Variants in AHDC1 observed in about 807,000 individuals in gnomAD.
The protein encoded by AHDC1 is AT-hook DNA binding motif containing 1.
AHDC1 carries 7 observed loss-of-function variants against 87.9 expected under a neutral mutation model. The observed-to-expected ratio is 0.08, with a 90% confidence interval of 0.05 to 0.15. AHDC1 has a LOEUF of 0.15. Among genes scored for constraint, AHDC1 ranks in the 10% least tolerant of loss-of-function variants. The probability of loss-of-function intolerance (pLI) is 1.00; values close to 1 mark genes in which losing one functional copy is unlikely to be tolerated. For synonymous variants in AHDC1, 1,051 were observed against 1,006.8 expected (o/e 1.04, Z -0.83); for missense variants, 1,841 against 2,253.2 (o/e 0.82, Z 3.70).
In AHDC1 at chr1:27,563,344, GACACACAC is replaced by G. The variant is rs58219407; in HGVS notation, c.-628-4469_-628-4462del. On this transcript the variant is annotated intron_variant, in intron 3 of 8. Transcript: ENST00000673934. This position sits in a 1 kb window ranked among gnomAD's most constrained non-coding sequence, Gnocchi z 6.1. The stretch of plus-strand genomic sequence containing the variant: ...CAGAACCTGTCACACAGCTGACCAA[GACACACAC>G]ACACACACACACACACGTGGGACAA... Among the ~76,000 whole-genome samples the G allele has an allele frequency of 2.0e-5, 3 of 148,006 alleles. No individual in the cohort carries two copies. Among genetic ancestry groups the G allele is most frequent in the Non-Finnish European group, 3.0e-5 (2 of 66,364 alleles).
At chr1:27,592,399 C>T (rs537745829) in intron 3 of AHDC1, among the ~76,000 whole-genome samples, 263 of 152,290 alleles carry the variant, frequency 1.7e-3, no homozygotes, top group Non-Finnish European at 2.8e-3. Flanking sequence ...AGCCTGTCAC[C>T]GGAGCCGCCT....
chr1:27,584,822 C>T (rs185983270), intron 3 of AHDC1, among the ~76,000 whole-genome samples: 1 of 152,176 alleles, frequency 6.6e-6, no homozygotes, highest in East Asian at 1.9e-4. Flanking sequence ...AGAGGCTCCC[C>T]AGAGATGCCT....
Position 27,550,658 on chromosome 1 carries a change from C to T in AHDC1, c.1458G>A (p.Gly486=). Residue 486 remains glycine (G), a synonymous_variant, in exon 8 of 9, where the codon GGG becomes GGA. Transcript: ENST00000673934. ...CTTTGTATGTGGTCTTGTTCCGCCG[C>T]CCCAGCGATACGGGGATCTTGGCCA... ...VKMAKIPVSL[G]RRNKTTYKVS... 1 of 1,613,434 alleles carries T rather than the reference C, an allele frequency of 6.2e-7. No individual in the cohort carries two copies. Among genetic ancestry groups the T allele is most frequent in the Non-Finnish European group, 8.5e-7 (1 of 1,179,970 alleles).
intron 5 of AHDC1, among the ~76,000 whole-genome samples, chr1:27,554,305 T>A (rs2148310938): frequency 6.6e-6 from 1 of 152,316 alleles, no homozygotes; most frequent in South Asian, 2.1e-4. Context: ...CCCTGCTACA[T>A]CCTCTCAGAG....
intron 3 of AHDC1, among the ~76,000 whole-genome samples, chr1:27,573,388 C>G (rs959736076): frequency 7.2e-5 from 11 of 152,124 alleles, no homozygotes; most frequent in Admixed American, 2.0e-4. Context: ...CAGTGGGAGC[C>G]CTCTATGTGT....
chr1:27,547,473 A>T lies in AHDC1; in HGVS notation c.4643T>A (p.Leu1548Gln). The T allele has an allele frequency of 6.3e-7, 1 of 1,598,570 alleles. No homozygotes were observed. Among genetic ancestry groups the T allele is most frequent in the Non-Finnish European group, 8.6e-7 (1 of 1,168,800 alleles). Residue 1548 changes from leucine (L) to glutamine (Q), a missense_variant, in exon 8 of 9, where the codon CTG becomes CAG. By Grantham distance (113) the Leu-to-Gln change is moderately radical. Around this residue, in one of 13 missense-constraint regions of AHDC1, gnomAD observed 505 missense variants for 626.2 expected, o/e 0.81. Coordinates refer to ENST00000673934, the MANE Select transcript of AHDC1 (RefSeq NM_001371928.1). The surrounding 1 kb of genome is among the most constrained non-coding windows in gnomAD (Gnocchi z 4.9). ...YGCPLLSDLT[L>Q]SPVPRDSLLP... ...CAGCGAGTCCCTCGGCACGGGGGAC[A>T]GGGTCAAGTCACTAAGGAGTGGGCA...
intron 3 of AHDC1, among the ~76,000 whole-genome samples, chr1:27,596,703 A>T (rs897804367): frequency 1.3e-5 from 2 of 152,072 alleles, no homozygotes; most frequent in Non-Finnish European, 2.9e-5. Context: ...TCACACATGC[A>T]GTTTGCCCCA....
chr1:27,579,666 A>G (rs1335227750), intron 3 of AHDC1, among the ~76,000 whole-genome samples: 7 of 152,216 alleles, frequency 4.6e-5, no homozygotes, highest in African/African-American at 7.2e-5. Context: ...TTGGCAAACT[A>G]TGGTCCATGG....
At position 27,546,945 on chromosome 1, in the gene AHDC1, T is replaced by C. The variant is rs945424087; in HGVS notation, c.*43+316A>G. On this transcript the variant is annotated intron_variant, in intron 8 of 8. Transcript: ENST00000673934. Reference sequence around the variant, plus strand: ...CTCACTTCCTGCCCAAGACATAGCATGAACAAATAATTGAAAGCTTAATAA... The same window carrying C: ...CTCACTTCCTGCCCAAGACATAGCACGAACAAATAATTGAAAGCTTAATAA... Among the ~76,000 whole-genome samples the C allele has an allele frequency of 1.2e-4, 18 of 152,228 alleles. 1 individual carries two copies. Among genetic ancestry groups the C allele is most frequent in the African/African-American group, 4.3e-4 (18 of 41,532 alleles).
chr1:27,555,967 G>A (rs776347564), intron 5 of AHDC1, among the ~76,000 whole-genome samples: 10 of 152,054 alleles, frequency 6.6e-5, no homozygotes, highest in Non-Finnish European at 1.0e-4. Context: ...ACACCCCGGC[G>A]GCCATTCTCT....
At chr1:27,587,101 T>C (rs1430869671) in intron 3 of AHDC1, among the ~76,000 whole-genome samples, 1 of 152,212 alleles carries the variant, frequency 6.6e-6, no homozygotes, top group East Asian at 1.9e-4. Context: ...CTGACCCAGT[T>C]GGCTAGACCA....
chr1:27,570,971 A>G (rs577223512), intron 3 of AHDC1, among the ~76,000 whole-genome samples: 1 of 152,142 alleles, frequency 6.6e-6, no homozygotes, highest in South Asian at 2.1e-4. Flanking sequence ...ATAAGGTGAC[A>G]GACCCCCCCA....
chr1:27,552,182 A>G lies in AHDC1; in HGVS notation c.-67T>C, dbSNP rs994501254. 1.4e-6 allele frequency: 2 copies of G among 1,426,182 alleles called. No homozygotes were observed. Among genetic ancestry groups the G allele is most frequent in the African/African-American group, 2.9e-5 (2 of 69,366 alleles). The allele number at this position is 1,426,182 out of a possible 1,614,324, so 88.3% of individuals were successfully genotyped here. ...TGACATGAGGGTGCGAGAAGCCGGGACCAGGACCTGCCAGGCAGGAAGAGC... is the reference window on the plus strand; with the variant it reads ...TGACATGAGGGTGCGAGAAGCCGGGGCCAGGACCTGCCAGGCAGGAAGAGC... On this transcript the variant is annotated 5_prime_UTR_variant, in exon 8 of 9. Coordinates refer to ENST00000673934, the MANE Select transcript of AHDC1 (RefSeq NM_001371928.1).
At position 27,548,315 on chromosome 1, in the gene AHDC1, C is replaced by G. The variant is rs755602268; in HGVS notation, c.3801G>C (p.Gly1267=). ...CCCGTCCACCTCGCGGCTGCCGGGG[C>G]CCAGTGCTCCGTTTGGATGGGTAGC... is the stretch of plus-strand genomic sequence containing the variant. ...ASGYPSKRST[G]PRQPRGGRGG... Residue 1267 remains glycine (G), a synonymous_variant, in exon 8 of 9, where the codon GGG becomes GGC. Transcript: ENST00000673934. 5 of 1,606,416 alleles carry G rather than the reference C, an allele frequency of 3.1e-6. No homozygotes were observed. The African/African-American group carries it at 6.7e-5, about 21-fold the overall frequency.
rs150332752 is a variant in AHDC1 at position 27,589,377 on chromosome 1, C to T, written c.-629+14020G>A. ...TCTTTGTCTCTATATGTTTCTGGGCCTTTGTCTCAGTGTGTGTGGCTGGTG... is the reference window on the plus strand; with the variant it reads ...TCTTTGTCTCTATATGTTTCTGGGCTTTTGTCTCAGTGTGTGTGGCTGGTG... On this transcript the variant is annotated intron_variant, in intron 3 of 8. Coordinates refer to ENST00000673934, the MANE Select transcript of AHDC1 (RefSeq NM_001371928.1). Among the ~76,000 whole-genome samples the T allele has an allele frequency of 2.3e-3, 347 of 152,256 alleles. 2 individuals carry two copies. The highest frequency in any genetic ancestry group is 5.0e-3 in the Admixed American group (77 of 15,294).
At position 27,598,533 on chromosome 1, in the gene AHDC1, G is replaced by T. The variant is rs1557712812; in HGVS notation, c.-629+4864C>A. Among the ~76,000 whole-genome samples, 1 of 152,174 alleles carries T rather than the reference G, an allele frequency of 6.6e-6. No individual in the cohort carries two copies. Among genetic ancestry groups the T allele is most frequent in the South Asian group, 2.1e-4 (1 of 4,838 alleles). On this transcript the variant is annotated intron_variant, in intron 3 of 8. Coordinates refer to ENST00000673934, the MANE Select transcript of AHDC1 (RefSeq NM_001371928.1). The surrounding 1 kb of genome is among the most constrained non-coding windows in gnomAD (Gnocchi z 4.2). The stretch of plus-strand genomic sequence containing the variant: ...TTCCTGTCAGCTGGGCTGGAGGGGG[G>T]CTCCTTCCCTCCTCCTTTCCAGGCA...
At chr1:27,582,192 C>G (rs542426897) in intron 3 of AHDC1, among the ~76,000 whole-genome samples, 1 of 152,234 alleles carries the variant, frequency 6.6e-6, no homozygotes, top group Admixed American at 6.5e-5. Context: ...CATCTATCCT[C>G]TAGACTTTCA....
At chr1:27,577,068 T>C (rs2088776637) in intron 3 of AHDC1, among the ~76,000 whole-genome samples, 1 of 152,070 alleles carries the variant, frequency 6.6e-6, no homozygotes, top group African/African-American at 2.4e-5. Context: ...ACAGCATCCC[T>C]CAACATTCTT....
chr1:27,585,219 C>A (rs1040937380), intron 3 of AHDC1, among the ~76,000 whole-genome samples: 1 of 145,930 alleles, frequency 6.9e-6, no homozygotes, highest in Non-Finnish European at 1.5e-5. Flanking sequence ...CTCCACTGCA[C>A]TCCAACCCGG....
Sources: gnomAD v4.1 joint callset for allele counts (sites outside exome capture counted in the v4.1 genomes callset) on GRCh38, gnomAD v4.1.1 for gene constraint, gnomAD v4.1.1 regional missense constraint, Gnocchi (gnomAD v3.1) non-coding constraint, MANE v1.5 for transcripts, NCBI Gene and HGNC (gene_info 2026-07-23, HGNC 2026-07-21) for gene names.